The following MMP24 variants were observed in gnomAD, a reference collection of about 807,000 sequenced individuals.
The protein encoded by MMP24 is matrix metalloproteinase-24.
A neutral mutation model predicts 62.8 loss-of-function variants in MMP24; 25 were observed. The ratio of observed to expected loss-of-function variants is 0.40; its 90% CI spans 0.29 to 0.56. MMP24 has a LOEUF of 0.56. Ranked by LOEUF, MMP24 falls within the 20% of genes least tolerant of loss-of-function variation. The pLI is 0.50. For missense variants in MMP24, 634 were observed against 853.6 expected, an observed-to-expected ratio of 0.74 and a Z score of 3.21; for synonymous variants, 319 against 350.5, an observed-to-expected ratio of 0.91 and a Z score of 1.00.
At chr20:35,270,630 G>A (rs1471349831) in intron 7 of MMP24, among the ~76,000 whole-genome samples, 4 of 152,208 alleles carry the variant, frequency 2.6e-5, no homozygotes. Context: ...CAGGGGCAGG[G>A]CAGCCATTTC....
intron 1 of MMP24, among the ~76,000 whole-genome samples, chr20:35,230,053 G>A (rs1425978228): frequency 6.6e-6 from 1 of 152,070 alleles, no homozygotes; most frequent in Non-Finnish European, 1.5e-5. Context: ...GCAGTGGGGT[G>A]ATCTCGGCTC....
Position 35,256,821 on chromosome 20 carries a change from C to T in MMP24, c.817+2067C>T, listed in dbSNP as rs530153826. 7.3e-5 allele frequency among the ~76,000 whole-genome samples: 11 copies of T among 150,496 alleles called. No homozygotes were observed. In the East Asian group the frequency reaches 1.8e-3, roughly 24 times the overall value. On this transcript the variant is annotated intron_variant, in intron 4 of 8. Coordinates refer to ENST00000246186, the MANE Select transcript of MMP24 (RefSeq NM_006690.4). ...TAGGGCCTGGGAATCTGCAAGTGGT[C>T]TAATACATTCCTGGGGCCTTCTGAT...
chr20:35,240,713 A>G (rs959620219), intron 1 of MMP24, among the ~76,000 whole-genome samples: 5 of 152,176 alleles, frequency 3.3e-5, no homozygotes, highest in African/African-American at 1.2e-4. Context: ...TGGTGCTTTC[A>G]GTGTATTACT....
chr20:35,227,506 T>C (rs1240566023), intron 1 of MMP24, among the ~76,000 whole-genome samples: 1 of 150,554 alleles, frequency 6.6e-6, no homozygotes, highest in East Asian at 2.0e-4. Flanking sequence ...CCAGCGGGAG[T>C]GGGGGTTGCA....
chr20:35,227,372 A>T (rs947070725), intron 1 of MMP24, among the ~76,000 whole-genome samples: 3 of 151,708 alleles, frequency 2.0e-5, no homozygotes, highest in African/African-American at 4.8e-5. Context: ...GAGGATGTTC[A>T]AGCTGGAGAA....
rs1190018879 is a variant in MMP24, at chr20:35,274,350, G to A, written c.1679G>A (p.Arg560His). Residue 560 changes from arginine (R) to histidine (H), a missense_variant, in exon 9 of 9, where the codon CGC becomes CAC. Physicochemically the swap from Arg to His is conservative, Grantham distance 29 (BLOSUM62 0). Transcript: ENST00000246186. The surrounding 1 kb of genome is among the most constrained non-coding windows in gnomAD (Gnocchi z 5.1). Reference sequence around the variant, plus strand: ...CTGAGCGTGGAGCCAGGCTACCCGCGCAACATCCTGCGTGACTGGATGGGC... The same window carrying A: ...CTGAGCGTGGAGCCAGGCTACCCGCACAACATCCTGCGTGACTGGATGGGC... ...QKLSVEPGYPRNILRDWMGCN... is the reference protein window; with the variant it reads ...QKLSVEPGYPHNILRDWMGCN... 7 of 1,613,798 alleles carry A rather than the reference G, an allele frequency of 4.3e-6. No individual in the cohort carries two copies. Among genetic ancestry groups the A allele is most frequent in the East Asian group, 2.2e-5 (1 of 44,880 alleles).
Position 35,253,270 on chromosome 20 carries a change from CTTTTT to C in MMP24, c.513-1161_513-1157del, listed in dbSNP as rs34474017. On this transcript the variant is annotated intron_variant, in intron 3 of 8. Coordinates refer to ENST00000246186, the MANE Select transcript of MMP24 (RefSeq NM_006690.4). ...GACAAGCACTCCCTACAGAACGGGA[CTTTTT>C]TTTTTTTTTTTTTTTTTTCAGAAAT... Among the ~76,000 whole-genome samples the C allele has an allele frequency of 8.3e-4, 66 of 79,050 alleles. 4 individuals are homozygous for C. Among genetic ancestry groups the C allele is most frequent in the African/African-American group, 3.8e-3 (65 of 17,180 alleles). 51.9% of individuals were successfully genotyped at this position (79,050 alleles called of 152,430 possible).
intron 4 of MMP24, among the ~76,000 whole-genome samples, chr20:35,255,286 G>A (rs1221762336): frequency 2.0e-5 from 3 of 151,676 alleles, no homozygotes; most frequent in Admixed American, 6.6e-5. Flanking sequence ...AGCCGAGATC[G>A]CACCATTGTA....
chr20:35,257,490 G>A (rs1023666377), intron 4 of MMP24, among the ~76,000 whole-genome samples: 12 of 152,194 alleles, frequency 7.9e-5, no homozygotes, highest in African/African-American at 2.9e-4. Context: ...AGCTGATAGG[G>A]TTTTAGTTAT....
chr20:35,274,726 C>T lies in MMP24; in HGVS notation c.*117C>T, dbSNP rs577137045. On this transcript the variant is annotated 3_prime_UTR_variant, in exon 9 of 9. Transcript: ENST00000246186. This position sits in a 1 kb window ranked among gnomAD's most constrained non-coding sequence, Gnocchi z 5.1. ...GGCCAGCAGGGCCCTAGGCTGGGGTCGTACAGCTGAAGTGGTGGGTGCATT... is the reference window on the plus strand; with the variant it reads ...GGCCAGCAGGGCCCTAGGCTGGGGTTGTACAGCTGAAGTGGTGGGTGCATT... The T allele has an allele frequency of 2.2e-6, 2 of 912,288 alleles. No individual in the cohort carries two copies. The highest frequency in any genetic ancestry group is 1.6e-6 in the Non-Finnish European group (1 of 612,790). 56.5% of individuals were successfully genotyped at this position (912,288 alleles called of 1,614,324 possible). A position where few individuals can be genotyped will look rare whatever the true frequency, so the allele number is the denominator to read the frequency against.
At chr20:35,227,638 T>C (rs1418557361) in intron 1 of MMP24, among the ~76,000 whole-genome samples, 1 of 152,138 alleles carries the variant, frequency 6.6e-6, no homozygotes, top group Non-Finnish European at 1.5e-5. Flanking sequence ...CGGAGGGGAT[T>C]GGATGGAGGC....
intron 1 of MMP24, among the ~76,000 whole-genome samples, chr20:35,239,777 T>C (rs1393450538): frequency 6.6e-6 from 1 of 152,102 alleles, no homozygotes; most frequent in Non-Finnish European, 1.5e-5. Context: ...CAGTGAGCCA[T>C]GGCTGAGAGC....
At position 35,262,048 on chromosome 20, in the gene MMP24, C is replaced by A. The variant is rs566000061; in HGVS notation, c.818-1743C>A. On this transcript the variant is annotated intron_variant, in intron 4 of 8. Coordinates refer to ENST00000246186, the MANE Select transcript of MMP24 (RefSeq NM_006690.4). Reference sequence around the variant, plus strand: ...AACTCCTGACCTCAAGTGATCCACCCCGATCAGCCTCCCAAAGTGCTGGGA... The same window carrying A: ...AACTCCTGACCTCAAGTGATCCACCACGATCAGCCTCCCAAAGTGCTGGGA... Among the ~76,000 whole-genome samples the A allele has an allele frequency of 3.9e-4, 59 of 152,194 alleles. 1 individual carries two copies. Among genetic ancestry groups the A allele is most frequent in the African/African-American group, 1.4e-3 (59 of 41,524 alleles).
intron 1 of MMP24, among the ~76,000 whole-genome samples, chr20:35,230,338 G>T (rs896144466): frequency 6.6e-6 from 1 of 152,128 alleles, no homozygotes; most frequent in Non-Finnish European, 1.5e-5. Context: ...GAGGAAGGTT[G>T]GTTCTTAGGC....
Position 35,254,654 on chromosome 20 carries a change from G to A in MMP24, c.717G>A (p.Gly239=), listed in dbSNP as rs1395793297. 1.4e-5 allele frequency: 22 copies of A among 1,614,114 alleles called. No individual in the cohort carries two copies. The highest frequency in any genetic ancestry group is 1.7e-5 in the Non-Finnish European group (20 of 1,180,058). The change falls in exon 4 of 9, where the codon GGG becomes GGA. Residue 239 remains glycine (G), a synonymous_variant. Transcript: ENST00000246186. ...HGDSSPFDGE[G]GFLAHAYFPG... is the part of the protein sequence containing the mutation. ...ACAGCTCCCCATTTGATGGAGAAGGGGGATTCCTGGCCCATGCCTACTTCC... is the reference window on the plus strand; with the variant it reads ...ACAGCTCCCCATTTGATGGAGAAGGAGGATTCCTGGCCCATGCCTACTTCC...
chr20:35,256,714 C>CAAAAA lies in MMP24; in HGVS notation c.817+1982_817+1986dup, dbSNP rs74173944. Among the ~76,000 whole-genome samples, 58 of 39,716 alleles carry CAAAAA rather than the reference C, an allele frequency of 1.5e-3. 3 individuals carry two copies. Among genetic ancestry groups the CAAAAA allele is most frequent in the Non-Finnish European group, 2.5e-3 (37 of 14,590 alleles). The allele number at this position is 39,716 out of a possible 152,430, so 26.1% of individuals were successfully genotyped here. On this transcript the variant is annotated intron_variant, in intron 4 of 8. Coordinates refer to ENST00000246186, the MANE Select transcript of MMP24 (RefSeq NM_006690.4). ...AGCCTGGGCAACAGAGATTCCGTCT[C>CAAAAA]AAAAAAAAAAAAAAAAAAAAAAAAA...
In MMP24 at chr20:35,271,499, GAC is replaced by G; in HGVS notation, c.1334-67_1334-66del. 2 of 1,548,086 alleles carry G rather than the reference GAC, an allele frequency of 1.3e-6. No homozygotes were observed. The highest frequency in any genetic ancestry group is 1.7e-6 in the Non-Finnish European group (2 of 1,144,210). On this transcript the variant is annotated intron_variant, in intron 7 of 8. Transcript: ENST00000246186. The surrounding 1 kb of genome is among the most constrained non-coding windows in gnomAD (Gnocchi z 4.0). ...TGAGGGCATCAGACTGTTTTCACCT[GAC>G]ACCCTGAAGATGGGCAAACGGCACT...
chr20:35,249,125 A>G (rs1276567632), intron 2 of MMP24, among the ~76,000 whole-genome samples: 2 of 152,070 alleles, frequency 1.3e-5, no homozygotes, highest in African/African-American at 4.8e-5. Flanking sequence ...TTAATCCAAG[A>G]CCTGAGATGG....
intron 2 of MMP24, 43 bp downstream of exon 2, chr20:35,247,031 T>A (rs372813810): frequency 6.2e-7 from 1 of 1,610,330 alleles, no homozygotes; most frequent in African/African-American, 1.3e-5. Flanking sequence ...CTTTCTGGAC[T>A]TACATTTGGG....
Sources: allele counts gnomAD v4.1 joint callset (sites outside exome capture counted in the v4.1 genomes callset), GRCh38; gene constraint gnomAD v4.1.1; non-coding constraint Gnocchi (gnomAD v3.1); transcripts MANE v1.5; gene names NCBI Gene and HGNC (gene_info 2026-07-23, HGNC 2026-07-21).